VIP: variants seen among roughly 807,000 people sequenced by gnomAD.
VIP encodes VIP peptides.
In VIP, 18 loss-of-function variants were observed where a neutral mutation model predicts 20.1. The observed-to-expected ratio is 0.90, with a 90% CI of 0.62 to 1.33. The LOEUF (loss-of-function observed/expected upper bound fraction) is 1.33, where lower values mean the gene tolerates loss of function less well. Among genes scored for constraint, VIP ranks in the 40% most tolerant of loss-of-function variants. VIP has a pLI of 0.00. For synonymous variants in VIP, 70 were observed against 68.1 expected, an observed-to-expected ratio of 1.03 and a Z score of -0.14; for missense variants, 209 against 199.4, an observed-to-expected ratio of 1.05 and a Z score of -0.29.
intron 6 of VIP, among the ~76,000 whole-genome samples, chr6:152,758,468 T>G (rs189445875): frequency 9.1e-4 from 139 of 152,086 alleles, no homozygotes; most frequent in African/African-American, 3.3e-3. Context: ...TTTCTAAGAG[T>G]GTTTATAAGA....
chr6:152,757,813 T>C (rs1463259255), intron 6 of VIP, among the ~76,000 whole-genome samples: 1 of 152,014 alleles, frequency 6.6e-6, no homozygotes, highest in African/African-American at 2.4e-5. Flanking sequence ...TAGACTTTTT[T>C]TCTTTGTGAA....
chr6:152,755,515 G>C, intron 4 of VIP, 142 bp downstream of exon 4: 1 of 535,234 alleles, frequency 1.9e-6, no homozygotes, highest in Non-Finnish European at 3.1e-6. Flanking sequence ...GAAATAACTT[G>C]TATTCTTCAA....
chr6:152,757,534 G>A (rs779515314), intron 6 of VIP, among the ~76,000 whole-genome samples: 3 of 151,818 alleles, frequency 2.0e-5, no homozygotes, highest in East Asian at 1.9e-4. Flanking sequence ...TTTGAGGATC[G>A]ACCCATGCTG....
chr6:152,754,163 C>T lies in VIP; in HGVS notation c.108-3C>T. On this transcript the variant is annotated splice_region_variant and splice_polypyrimidine_tract_variant and intron_variant, in intron 2 of 6. Coordinates refer to ENST00000367244, the MANE Select transcript of VIP (RefSeq NM_003381.4). ...ATTATTCTCGTGTAACTTTCCCCATCAGGTTGGGTGACAGAATACCCTTTG... is the reference window on the plus strand; with the variant it reads ...ATTATTCTCGTGTAACTTTCCCCATTAGGTTGGGTGACAGAATACCCTTTG... 6.2e-7 allele frequency: 1 copy of T among 1,607,976 alleles called. No individual in the cohort carries two copies. The highest frequency in any genetic ancestry group is 8.5e-7 in the Non-Finnish European group (1 of 1,177,174).
chr6:152,758,422 C>T (rs1565406563), intron 6 of VIP, among the ~76,000 whole-genome samples: 1 of 151,954 alleles, frequency 6.6e-6, no homozygotes, highest in Non-Finnish European at 1.5e-5. Context: ...GAAACAAGTC[C>T]CTTTGCTCAA....
In VIP at chr6:152,757,037, T is replaced by C. The variant is rs79756015; in HGVS notation, c.468-59T>C. On this transcript the variant is annotated intron_variant, in intron 5 of 6. Transcript: ENST00000367244. Reference sequence around the variant, plus strand: ...GCACATTCATTATGTCATAATAGTTTCTTTAGACCCTTTCTCATCTGAGAG... The same window carrying C: ...GCACATTCATTATGTCATAATAGTTCCTTTAGACCCTTTCTCATCTGAGAG... The C allele has an allele frequency of 2.8e-3, 4,345 of 1,540,268 alleles. 98 individuals carry two copies. In the African/African-American group the frequency reaches 0.052, roughly 18 times the overall value.
chr6:152,751,749 A>G (rs1270986565), intron 1 of VIP, among the ~76,000 whole-genome samples: 3 of 152,290 alleles, frequency 2.0e-5, no homozygotes, highest in African/African-American at 7.2e-5. Context: ...TATTAAATAG[A>G]TGATACTCTA....
Position 152,754,297 on chromosome 6 carries a change from AT to A in VIP, c.230+14del. On this transcript the variant is annotated intron_variant, in intron 3 of 6. Transcript: ENST00000367244. ...TATTATGATGTATCCAGGTGAGTTT[AT>A]TTTTATAAAACTATCCAATGAGTTT... 6.3e-7 allele frequency: 1 copy of A among 1,588,880 alleles called. No individual in the cohort carries two copies. The highest frequency in any genetic ancestry group is 8.6e-7 in the Non-Finnish European group (1 of 1,168,758).
chr6:152,759,549 T>C lies in VIP; in HGVS notation c.*683T>C, dbSNP rs553122520. 3.9e-4 allele frequency: 59 copies of C among 152,012 alleles called. No individual in the cohort carries two copies. The highest frequency in any genetic ancestry group is 1.3e-3 in the African/African-American group (56 of 41,518). The allele number at this position is 152,012 out of a possible 1,614,324, so 9.4% of individuals were successfully genotyped here. A position where few individuals can be genotyped will look rare whatever the true frequency, so the allele number is the denominator to read the frequency against. On this transcript the variant is annotated 3_prime_UTR_variant, in exon 7 of 7. Coordinates refer to ENST00000367244, the MANE Select transcript of VIP (RefSeq NM_003381.4). ...CGACCCCTGCTTCTGACACTGAAAC[T>C]TCCCTTTCTGCTTGTGTTAAGTATG... is the stretch of plus-strand genomic sequence containing the variant.
At position 152,757,113 on chromosome 6, in the gene VIP, C is replaced by T. The variant is rs571339006; in HGVS notation, c.485C>T (p.Pro162Leu). ...GTCTGCAGCAGTGAGGGAGAATCTC[C>T]CGACTTTCCAGAAGAGTTAGAAAAA... ...NGKRSSEGESPDFPEELEK is the reference protein window; with the variant it reads ...NGKRSSEGESLDFPEELEK Residue 162 changes from proline (P) to leucine (L), a missense_variant, in exon 6 of 7, where the codon CCC (proline) becomes CTC (leucine). Coordinates refer to ENST00000367244, the MANE Select transcript of VIP (RefSeq NM_003381.4). 5.4e-5 allele frequency: 87 copies of T among 1,611,784 alleles called. 2 individuals are homozygous for T. In the East Asian group the frequency reaches 6.0e-4, roughly 11 times the overall value.
At chr6:152,756,420 T>A (rs2099730438) in intron 5 of VIP, among the ~76,000 whole-genome samples, 155 bp downstream of exon 5, 1 of 151,886 alleles carries the variant, frequency 6.6e-6, no homozygotes, top group African/African-American at 2.4e-5. Flanking sequence ...CGCAGAACTT[T>A]AAAAATACAG....
At chr6:152,757,035 T>C in intron 5 of VIP, 61 bp from the exon 6 acceptor site, 1 of 1,532,710 alleles carries the variant, frequency 6.5e-7, no homozygotes, top group Non-Finnish European at 9.0e-7. Flanking sequence ...GTCATAATAG[T>C]TTCTTTAGAC....
chr6:152,750,927 A>T lies in VIP; in HGVS notation c.-43A>T, dbSNP rs1389375876. On this transcript the variant is annotated 5_prime_UTR_variant, in exon 1 of 7. Transcript: ENST00000367244. Reference sequence around the variant, plus strand: ...TAAGACAGCTCCAAAACAAACCAGAACAGTCAGCTCCGGGGGAGCACGACT... The same window carrying T: ...TAAGACAGCTCCAAAACAAACCAGATCAGTCAGCTCCGGGGGAGCACGACT... The T allele has an allele frequency of 6.6e-6, 1 of 152,134 alleles. No individual in the cohort carries two copies. Among genetic ancestry groups the T allele is most frequent in the African/African-American group, 2.4e-5 (1 of 41,440 alleles). 9.4% of individuals were successfully genotyped at this position (152,134 alleles called of 1,614,324 possible). A position where few individuals can be genotyped will look rare whatever the true frequency, so the allele number is the denominator to read the frequency against.
At chr6:152,757,329 T>C (rs2099730576) in intron 6 of VIP, 145 bp downstream of exon 6, 1 of 575,196 alleles carries the variant, frequency 1.7e-6, no homozygotes, top group Non-Finnish European at 3.0e-6. Context: ...TCTACAACAG[T>C]GGACCCCAAC....
At chr6:152,754,802 T>C (rs139582936) in intron 3 of VIP, among the ~76,000 whole-genome samples, 1 of 151,962 alleles carries the variant, frequency 6.6e-6, no homozygotes, top group African/African-American at 2.4e-5. Context: ...TCTTAAGAGA[T>C]TTTGTTTCCA....
In VIP at chr6:152,755,381, G is replaced by T. The variant is rs767750241; in HGVS notation, c.335+8G>T. The T allele has an allele frequency of 1.5e-5, 22 of 1,448,472 alleles. No individual in the cohort carries two copies. The African/African-American group carries it at 1.6e-4, about 11-fold the overall frequency. 89.7% of individuals were successfully genotyped at this position (1,448,472 alleles called of 1,614,324 possible). A position where few individuals can be genotyped will look rare whatever the true frequency, so the allele number is the denominator to read the frequency against. The stretch of plus-strand genomic sequence containing the variant: ...TATGGGAAAACGTGTTAGGTAAAGA[G>T]AATTTATTATTTTTATAAAATATGT... On this transcript the variant is annotated splice_region_variant and intron_variant, in intron 4 of 6. Coordinates refer to ENST00000367244, the MANE Select transcript of VIP (RefSeq NM_003381.4).
chr6:152,759,284 A>G lies in VIP; in HGVS notation c.*418A>G, dbSNP rs1041201215. On this transcript the variant is annotated 3_prime_UTR_variant, in exon 7 of 7. Transcript: ENST00000367244. ...AACTATTCAGGAGAGTAGAACAGATAATCAGTGTGTCTAAATTTGAATGTT... is the reference window on the plus strand; with the variant it reads ...AACTATTCAGGAGAGTAGAACAGATGATCAGTGTGTCTAAATTTGAATGTT... 1 of 152,048 alleles carries G rather than the reference A, an allele frequency of 6.6e-6. No homozygotes were observed. Among genetic ancestry groups the G allele is most frequent in the Non-Finnish European group, 1.5e-5 (1 of 67,972 alleles). The allele number at this position is 152,048 out of a possible 1,614,324, so 9.4% of individuals were successfully genotyped here.
Position 152,754,204 on chromosome 6 carries a change from C to G in VIP, c.146C>G (p.Pro49Arg). ...ATACCCTTTGAGGGAGCAAATGAAC[C>G]TGATCAAGTTTCATTAAAAGAAGAC... The part of the protein sequence containing the change: ...DRIPFEGANE[P>R]DQVSLKEDID... The change falls in exon 3 of 7, where the codon CCT becomes CGT. Residue 49 changes from proline to arginine, a missense_variant. By Grantham distance (103) the Pro-to-Arg change is moderately radical (BLOSUM62 -2). Coordinates refer to ENST00000367244, the MANE Select transcript of VIP (RefSeq NM_003381.4). 6.2e-7 allele frequency: 1 copy of G among 1,611,608 alleles called. No homozygotes were observed. Among genetic ancestry groups the G allele is most frequent in the Non-Finnish European group, 8.5e-7 (1 of 1,178,638 alleles).
chr6:152,756,314 A>G (rs1406084384), intron 5 of VIP, 49 bp downstream of exon 5: 1 of 1,573,788 alleles, frequency 6.4e-7, no homozygotes, highest in Admixed American at 1.8e-5. Context: ...ACTGACTTTC[A>G]AAATAGAAGC....
Sources: gnomAD v4.1 joint callset for allele counts (sites outside exome capture counted in the v4.1 genomes callset) on GRCh38, gnomAD v4.1.1 for gene constraint, MANE v1.5 for transcripts, NCBI Gene and HGNC (gene_info 2026-07-23, HGNC 2026-07-21) for gene names.